Variants in INTS11 observed in about 807,000 individuals in gnomAD.
INTS11 encodes integrator complex subunit 11.
A neutral mutation model predicts 78.6 loss-of-function variants in INTS11; 77 were observed. The ratio of observed to expected loss-of-function variants is 0.98; its 90% CI spans 0.81 to 1.18. The LOEUF (loss-of-function observed/expected upper bound fraction) is 1.18. Ranked by LOEUF, INTS11 falls within the 50% of genes most tolerant of loss-of-function variation. The pLI, the probability that INTS11 is intolerant of heterozygous loss-of-function variation, is 0.00. For synonymous variants in INTS11, 441 were observed against 326.9 expected (o/e 1.35, Z -3.77); for missense variants, 875 against 825.9 (o/e 1.06, Z -0.73).
At chr1:1,322,845 C>T (rs1643034780) in intron 1 of INTS11, 1 of 1,108,848 alleles carries the variant, frequency 9.0e-7, no homozygotes, top group Non-Finnish European at 1.1e-6. Flanking sequence ...CCGAGGCAGT[C>T]CCTGGTGCAG....
chr1:1,314,535 T>TATGAGAGACAGGAGGGAGCCGC lies in INTS11; in HGVS notation c.703-192_703-171dup, dbSNP rs1213369180. ...GCTCTCCAGAGACAGAAGGGAGCCG[T>TATGAGAGACAGGAGGGAGCCGC]ATGAGAGACAGGAGGGAGCCGCATG... On this transcript the variant is annotated intron_variant, in intron 7 of 16. Transcript: ENST00000435064. This position sits in a 1 kb window ranked among gnomAD's most constrained non-coding sequence, Gnocchi z 4.2. 2.0e-5 allele frequency: 13 copies of TATGAGAGACAGGAGGGAGCCGC among 657,500 alleles called. No homozygotes were observed. The highest frequency in any genetic ancestry group is 3.0e-5 in the Admixed American group (1 of 33,678). 40.7% of individuals were successfully genotyped at this position (657,500 alleles called of 1,614,324 possible).
intron 4 of INTS11, chr1:1,318,695 T>C (rs1642759366): frequency 6.5e-6 from 3 of 459,480 alleles, no homozygotes; most frequent in East Asian, 3.5e-5. Flanking sequence ...ATAAACATAC[T>C]TCATTTTGAC....
intron 6 of INTS11, 43 bp from the exon 7 acceptor site, chr1:1,315,005 C>G (rs948496002): frequency 1.3e-6 from 2 of 1,597,054 alleles, no homozygotes; most frequent in African/African-American, 1.3e-5. Context: ...TGCACTGTCC[C>G]CACGGTTGCA....
rs766563202 is a variant in INTS11, at chr1:1,312,766, G to A, written c.1294+21C>T. ...CGTGCTGACCCGAGGTGGGCCCCACGCCGCCCGCCCGGCTGCCTACGGAGC... is the reference window on the plus strand; with the variant it reads ...CGTGCTGACCCGAGGTGGGCCCCACACCGCCCGCCCGGCTGCCTACGGAGC... On this transcript the variant is annotated intron_variant, in intron 12 of 16. Transcript: ENST00000435064. The A allele has an allele frequency of 1.3e-5, 21 of 1,599,966 alleles. No homozygotes were observed. The Admixed American group carries it at 1.8e-4, about 14-fold the overall frequency.
rs1203741596 is a variant in INTS11 at position 1,314,399 on chromosome 1, A to G, written c.703-34T>C. On this transcript the variant is annotated intron_variant, in intron 7 of 16. Coordinates refer to ENST00000435064, the MANE Select transcript of INTS11 (RefSeq NM_017871.6). This position sits in a 1 kb window ranked among gnomAD's most constrained non-coding sequence, Gnocchi z 4.2. ...GACACAAGGCAGGAGCCCTGGGCAC[A>G]TGGCCCCTCGACACAGCAGGCAGCG... is the stretch of plus-strand genomic sequence containing the variant. The G allele has an allele frequency of 1.3e-5, 21 of 1,581,230 alleles. No homozygotes were observed. Among genetic ancestry groups the G allele is most frequent in the Non-Finnish European group, 1.6e-5 (18 of 1,160,978 alleles).
rs145964770 is a variant in INTS11 at position 1,314,905 on chromosome 1, G to A, written c.621C>T (p.Ala207=). 47 of 1,613,128 alleles carry A rather than the reference G, an allele frequency of 2.9e-5. No homozygotes were observed. In the African/African-American group the frequency reaches 6.0e-4, roughly 21 times the overall value. ...AGCGCTTGGAGTCACGGATGGTCGTGGCGTACGTGGACTCTGTGATGAGCA... is the reference window on the plus strand; with the variant it reads ...AGCGCTTGGAGTCACGGATGGTCGTAGCGTACGTGGACTCTGTGATGAGCA... ...PNLLITESTY[A]TTIRDSKRCR... The change falls in exon 7 of 17, where the codon GCC becomes GCT. Residue 207 remains alanine, a synonymous_variant. Transcript: ENST00000435064. The surrounding 1 kb of genome is among the most constrained non-coding windows in gnomAD (Gnocchi z 4.2).
chr1:1,311,945 T>G (rs776865790), intron 16 of INTS11, 21 bp from the exon 17 acceptor site: 2 of 1,585,258 alleles, frequency 1.3e-6, no homozygotes, highest in East Asian at 4.5e-5. Flanking sequence ...GGCAAAAGCA[T>G]TGTGGGTGGT....
At position 1,314,553 on chromosome 1, in the gene INTS11, G is replaced by A. The variant is rs1014852077; in HGVS notation, c.703-188C>T. The A allele has an allele frequency of 9.4e-6, 6 of 641,342 alleles. No individual in the cohort carries two copies. The highest frequency in any genetic ancestry group is 1.6e-5 in the Non-Finnish European group (6 of 373,920). 39.7% of individuals were successfully genotyped at this position (641,342 alleles called of 1,614,324 possible). On this transcript the variant is annotated intron_variant, in intron 7 of 16. Transcript: ENST00000435064. This position sits in a 1 kb window ranked among gnomAD's most constrained non-coding sequence, Gnocchi z 4.2. ...GGAGCCGTATGAGAGACAGGAGGGA[G>A]CCGCATGAGAGACAGAAGGGAGCTG...
intron 10 of INTS11, 22 bp from the exon 11 acceptor site, chr1:1,313,146 A>T (rs776859024): frequency 4.4e-5 from 71 of 1,596,462 alleles, no homozygotes; most frequent in Non-Finnish European, 5.4e-5. Context: ...CACAGAGCTC[A>T]CAGCCAGGGA....
intron 10 of INTS11, 161 bp downstream of exon 10, chr1:1,313,348 T>A: frequency 1.1e-6 from 1 of 909,982 alleles, no homozygotes; most frequent in Non-Finnish European, 1.7e-6. Flanking sequence ...TCACAGAGAC[T>A]GAGCAGCTCC....
intron 1 of INTS11, chr1:1,322,966 G>A (rs1475953454): frequency 4.4e-6 from 6 of 1,362,878 alleles, no homozygotes; most frequent in African/African-American, 4.4e-5. Context: ...AGATCAGAAA[G>A]ATCAGATGTC....
At chr1:1,319,056 A>C (rs1886773) in intron 4 of INTS11, 3 of 715,240 alleles carry the variant, frequency 4.2e-6, no homozygotes, top group African/African-American at 1.7e-5. Flanking sequence ...TGGTGGGTTC[A>C]TAAGCCGGTG....
At chr1:1,312,529 A>C in intron 13 of INTS11, 28 bp from the exon 14 acceptor site, 1 of 1,583,422 alleles carries the variant, frequency 6.3e-7, no homozygotes. Flanking sequence ...GGAGCCATCA[A>C]TGTGAGGGCC....
chr1:1,315,667 C>A (rs1375295773), intron 4 of INTS11, 49 bp from the exon 5 acceptor site: 3 of 708,188 alleles, frequency 4.2e-6, no homozygotes, highest in Non-Finnish European at 4.4e-6. Flanking sequence ...AGCAGAGGGG[C>A]GGGGAGTGAG....
At chr1:1,320,383 C>G (rs552925037) in intron 3 of INTS11, 73 bp downstream of exon 3, 29 of 1,469,906 alleles carry the variant, frequency 2.0e-5, no homozygotes, top group Non-Finnish European at 2.6e-5. Context: ...CAAACGCTGC[C>G]GAGACCAAGC....
In INTS11 at chr1:1,314,008, GTC is replaced by G; in HGVS notation, c.768-89_768-88del. 1.5e-6 allele frequency: 2 copies of G among 1,378,760 alleles called. No individual in the cohort carries two copies. Among genetic ancestry groups the G allele is most frequent in the South Asian group, 1.3e-5 (1 of 79,098 alleles). The allele number at this position is 1,378,760 out of a possible 1,614,324, so 85.4% of individuals were successfully genotyped here. A position where few individuals can be genotyped will look rare whatever the true frequency, so the allele number is the denominator to read the frequency against. The stretch of plus-strand genomic sequence containing the variant: ...CGGCCGGGTCACCCCCAACACCCGT[GTC>G]TGCACAGCCCACGCACGGGCCAGGT... On this transcript the variant is annotated intron_variant, in intron 8 of 16. Coordinates refer to ENST00000435064, the MANE Select transcript of INTS11 (RefSeq NM_017871.6). The surrounding 1 kb of genome is among the most constrained non-coding windows in gnomAD (Gnocchi z 4.2).
rs1243629437 is a variant in INTS11, at chr1:1,312,333, T to G, written c.1500A>C (p.Lys500Asn). Reference protein sequence around the residue: ...FRLVSSEQALKELGLAEHQLR... With the variant: ...FRLVSSEQALNELGLAEHQLR... ...GCTGGTGCTCAGCCAGACCCAGCTC[T>G]TTGAGGGCTTGCTCTGAGGACACCA... The change falls in exon 15 of 17, where the codon AAA becomes AAC. Residue 500 changes from lysine to asparagine, a missense_variant. By Grantham distance (94) the Lys-to-Asn change is moderately conservative. Transcript: ENST00000435064. 6.4e-7 allele frequency: 1 copy of G among 1,558,748 alleles called. No homozygotes were observed. Among genetic ancestry groups the G allele is most frequent in the East Asian group, 2.4e-5 (1 of 42,026 alleles).
chr1:1,320,912 C>T, intron 2 of INTS11, 84 bp downstream of exon 2: 1 of 1,219,270 alleles, frequency 8.2e-7, no homozygotes, highest in Non-Finnish European at 1.2e-6. Flanking sequence ...GCCCACCACC[C>T]CACTGTCCCG....
chr1:1,315,541 G>A lies in INTS11; in HGVS notation c.507C>T (p.Gly169=). 1 of 1,612,770 alleles carries A rather than the reference G, an allele frequency of 6.2e-7. No individual in the cohort carries two copies. Among genetic ancestry groups the A allele is most frequent in the South Asian group, 1.1e-5 (1 of 91,018 alleles). ...LGAAMFQIKV[G]SESVVYTGDY... ...TGACCGTGTAGACCACAGACTCTGA[G>A]CCCACTTTAATCTGGAACATGGCTG... The change falls in exon 5 of 17, where the codon GGC becomes GGT. Residue 169 remains glycine, a synonymous_variant. Transcript: ENST00000435064.
Sources: allele counts gnomAD v4.1 joint callset, GRCh38; gene constraint gnomAD v4.1.1; non-coding constraint Gnocchi (gnomAD v3.1); transcripts MANE v1.5; gene names NCBI Gene and HGNC (gene_info 2026-07-23, HGNC 2026-07-21).